SPCS3: variants seen among roughly 807,000 people sequenced by gnomAD.
SPCS3 encodes the protein SPase 22 kDa subunit.
In SPCS3, 9 loss-of-function variants were observed where a neutral mutation model predicts 17.2. The ratio of observed to expected loss-of-function variants is 0.52; its 90% confidence interval spans 0.31 to 0.91. The LOEUF is 0.91. Ranked by LOEUF, SPCS3 falls within the 40% of genes least tolerant of loss-of-function variation. The probability of loss-of-function intolerance (pLI) is 0.04; values close to 1 mark genes in which losing one functional copy is unlikely to be tolerated. For missense variants in SPCS3, 139 were observed against 217.5 expected (o/e 0.64, Z 2.27); for synonymous variants, 87 against 89.6 (o/e 0.97, Z 0.16).
In SPCS3 at chr4:176,328,378, T is replaced by A. The variant is rs1386111093; in HGVS notation, c.*48T>A. Reference sequence around the variant, plus strand: ...ATATTTTTATACTTAATGAATTGTATCTCATTAATCTCTTCCCTTACATCT... The same window carrying A: ...ATATTTTTATACTTAATGAATTGTAACTCATTAATCTCTTCCCTTACATCT... On this transcript the variant is annotated 3_prime_UTR_variant, in exon 5 of 5. Transcript: ENST00000503362. 1 of 1,409,120 alleles carries A rather than the reference T, an allele frequency of 7.1e-7. No individual in the cohort carries two copies. The highest frequency in any genetic ancestry group is 9.5e-7 in the Non-Finnish European group (1 of 1,050,678). 87.3% of individuals were successfully genotyped at this position (1,409,120 alleles called of 1,614,324 possible). A position where few individuals can be genotyped will look rare whatever the true frequency, so the allele number is the denominator to read the frequency against.
Position 176,329,339 on chromosome 4 carries a change from T to A in SPCS3, c.*1009T>A, listed in dbSNP as rs1370439333. 6.6e-6 allele frequency: 1 copy of A among 152,122 alleles called. No individual in the cohort carries two copies. The highest frequency in any genetic ancestry group is 1.5e-5 in the Non-Finnish European group (1 of 67,980). 9.4% of individuals were successfully genotyped at this position (152,122 alleles called of 1,614,324 possible). The stretch of plus-strand genomic sequence containing the variant: ...GAAACCCAGAAGTTTATTGAATTGC[T>A]TCATTGTTACCTAGCCAGCAAGGAG... On this transcript the variant is annotated 3_prime_UTR_variant, in exon 5 of 5. Transcript: ENST00000503362.
chr4:176,320,811 GT>G (rs1170560864), intron 1 of SPCS3: 1 of 152,302 alleles, frequency 6.6e-6, no homozygotes, highest in African/African-American at 2.4e-5. Flanking sequence ...CTGCTTTGAA[GT>G]TGGCCAGAGA....
At chr4:176,328,107 A>G in intron 4 of SPCS3, 91 bp from the exon 5 acceptor site, 3 of 1,181,054 alleles carry the variant, frequency 2.5e-6, no homozygotes, top group East Asian at 4.8e-5. Context: ...ATGGTTATAA[A>G]TAAAGTATTT....
At position 176,328,413 on chromosome 4, in the gene SPCS3, G is replaced by C. The variant is rs1731636784; in HGVS notation, c.*83G>C. On this transcript the variant is annotated 3_prime_UTR_variant, in exon 5 of 5. Transcript: ENST00000503362. ...CTCTTCCCTTACATCTTCATGTATT[G>C]TTGGTTTGTTTTTTGGTTTTGGGTT... 13 of 860,398 alleles carry C rather than the reference G, an allele frequency of 1.5e-5. No individual in the cohort carries two copies. Among genetic ancestry groups the C allele is most frequent in the Admixed American group, 4.9e-5 (1 of 20,386 alleles). The allele number at this position is 860,398 out of a possible 1,614,324, so 53.3% of individuals were successfully genotyped here. A position where few individuals can be genotyped will look rare whatever the true frequency, so the allele number is the denominator to read the frequency against.
rs908309772 is a variant in SPCS3, at chr4:176,329,257, C to A, written c.*927C>A. 1 of 151,988 alleles carries A rather than the reference C, an allele frequency of 6.6e-6. No individual in the cohort carries two copies. The highest frequency in any genetic ancestry group is 6.6e-5 in the Admixed American group (1 of 15,252). 9.4% of individuals were successfully genotyped at this position (151,988 alleles called of 1,614,324 possible). On this transcript the variant is annotated 3_prime_UTR_variant, in exon 5 of 5. Transcript: ENST00000503362. ...CTCATATACTTTAGTGTATGTCATC[C>A]TCAATAATCTAATGAGGTAAGTAGT... is the stretch of plus-strand genomic sequence containing the variant.
chr4:176,320,279 G>A lies in SPCS3; in HGVS notation c.143+60G>A, dbSNP rs2126999095. 3 of 1,302,424 alleles carry A rather than the reference G, an allele frequency of 2.3e-6. 1 individual carries two copies. The highest frequency in any genetic ancestry group is 6.7e-5 in the East Asian group (2 of 29,812). The allele number at this position is 1,302,424 out of a possible 1,614,324, so 80.7% of individuals were successfully genotyped here. ...GGACCGGGCTGGGGCGGAAGCCGAAGCCGGGCCGCCGCGCCGGGGCTGCCG... is the reference window on the plus strand; with the variant it reads ...GGACCGGGCTGGGGCGGAAGCCGAAACCGGGCCGCCGCGCCGGGGCTGCCG... On this transcript the variant is annotated intron_variant, in intron 1 of 4. Transcript: ENST00000503362.
rs969352375 is a variant in SPCS3, at chr4:176,329,682, G to A, written c.*1352G>A. 12 of 151,686 alleles carry A rather than the reference G, an allele frequency of 7.9e-5. No individual in the cohort carries two copies. Among genetic ancestry groups the A allele is most frequent in the African/African-American group, 2.7e-4 (11 of 41,312 alleles). 9.4% of individuals were successfully genotyped at this position (151,686 alleles called of 1,614,324 possible). A position where few individuals can be genotyped will look rare whatever the true frequency, so the allele number is the denominator to read the frequency against. ...ATAATACATGATTGAATACATGATC[G>A]TATTTAACATGTTTTTTTTTTCTGC... On this transcript the variant is annotated 3_prime_UTR_variant, in exon 5 of 5. Transcript: ENST00000503362.
rs1164246780 is a variant in SPCS3, at chr4:176,330,190, AAC to A, written c.*1864_*1865del. The A allele has an allele frequency of 1.3e-5, 2 of 152,254 alleles. No homozygotes were observed. The highest frequency in any genetic ancestry group is 2.9e-5 in the Non-Finnish European group (2 of 68,036). The allele number at this position is 152,254 out of a possible 1,614,324, so 9.4% of individuals were successfully genotyped here. ...AAGACAGGAAAACGAATGAAAGTCT[AAC>A]ACATAACTCATATTGATTTACTTTA... is the stretch of plus-strand genomic sequence containing the variant. On this transcript the variant is annotated 3_prime_UTR_variant, in exon 5 of 5. Coordinates refer to ENST00000503362, the MANE Select transcript of SPCS3 (RefSeq NM_021928.4).
In SPCS3 at chr4:176,320,421, C is replaced by G. The variant is rs180939847; in HGVS notation, c.143+202C>G. The G allele has an allele frequency of 4.3e-3, 1,403 of 328,566 alleles. 5 individuals are homozygous for G. Among genetic ancestry groups the G allele is most frequent in the Non-Finnish European group, 5.8e-3 (1,094 of 187,778 alleles). 20.4% of individuals were successfully genotyped at this position (328,566 alleles called of 1,614,324 possible). A position where few individuals can be genotyped will look rare whatever the true frequency, so the allele number is the denominator to read the frequency against. On this transcript the variant is annotated intron_variant, in intron 1 of 4. Transcript: ENST00000503362. The stretch of plus-strand genomic sequence containing the variant: ...TCCGGCGTCCCCTCGGAACTTGCAC[C>G]CCTCCACCGTAAATTCCCGGGCTTG...
At chr4:176,323,513 A>G (rs1023047288) in intron 2 of SPCS3, among the ~76,000 whole-genome samples, 8 of 152,168 alleles carry the variant, frequency 5.3e-5, no homozygotes, top group African/African-American at 1.7e-4. Flanking sequence ...GGAAACTCAT[A>G]TAGTAAAATG....
intron 2 of SPCS3, among the ~76,000 whole-genome samples, chr4:176,322,573 C>T (rs1003823370): frequency 5.3e-5 from 8 of 152,022 alleles, no homozygotes; most frequent in Non-Finnish European, 2.9e-5. Context: ...ATTACCAATG[C>T]TCAGCCTGCC....
At position 176,319,987 on chromosome 4, in the gene SPCS3, C is replaced by T; in HGVS notation, c.-90C>T. On this transcript the variant is annotated 5_prime_UTR_variant, in exon 1 of 5. Transcript: ENST00000503362. ...GCGCGCTCCCGGAACGCGCGCACCG[C>T]AGACGGCGCGGATCGCAGGGAGCCG... is the stretch of plus-strand genomic sequence containing the variant. 2 of 1,366,928 alleles carry T rather than the reference C, an allele frequency of 1.5e-6. No individual in the cohort carries two copies. Among genetic ancestry groups the T allele is most frequent in the Admixed American group, 3.0e-5 (1 of 33,370 alleles). 84.7% of individuals were successfully genotyped at this position (1,366,928 alleles called of 1,614,324 possible).
Position 176,327,170 on chromosome 4 carries a change from C to T in SPCS3, c.303C>T (p.Asn101=). 6.4e-7 allele frequency: 1 copy of T among 1,573,150 alleles called. No homozygotes were observed. Among genetic ancestry groups the T allele is most frequent in the Non-Finnish European group, 8.6e-7 (1 of 1,162,032 alleles). Residue 101 remains asparagine, a synonymous_variant, in exon 4 of 5, where the codon AAC becomes AAT. Coordinates refer to ENST00000503362, the MANE Select transcript of SPCS3 (RefSeq NM_021928.4). ...AEYSTKNNAL[N]QVVLWDKIVL... ...TTTTCATTTTAATATAGGCTCTGAA[C>T]CAAGTTGTCCTATGGGACAAGATTG...
intron 4 of SPCS3, 82 bp from the exon 5 acceptor site, chr4:176,328,116 T>G (rs1051959893): frequency 7.9e-7 from 1 of 1,265,966 alleles, no homozygotes; most frequent in Admixed American, 2.2e-5. Context: ...AATAAAGTAT[T>G]TGACATCTCA....
chr4:176,320,440 G>C lies in SPCS3; in HGVS notation c.143+221G>C, dbSNP rs990151802. The C allele has an allele frequency of 1.3e-5, 4 of 300,160 alleles. No individual in the cohort carries two copies. The East Asian group carries it at 2.4e-4, about 18-fold the overall frequency. The allele number at this position is 300,160 out of a possible 1,614,324, so 18.6% of individuals were successfully genotyped here. A position where few individuals can be genotyped will look rare whatever the true frequency, so the allele number is the denominator to read the frequency against. On this transcript the variant is annotated intron_variant, in intron 1 of 4. Coordinates refer to ENST00000503362, the MANE Select transcript of SPCS3 (RefSeq NM_021928.4). The stretch of plus-strand genomic sequence containing the variant: ...TTGCACCCCTCCACCGTAAATTCCC[G>C]GGCTTGCTCTTAAATTTTAATTTTG...
In SPCS3 at chr4:176,329,209, GTATGCTTTCCA is replaced by G. The variant is rs1207671900; in HGVS notation, c.*881_*891del. 6.6e-6 allele frequency: 1 copy of G among 152,020 alleles called. No homozygotes were observed. The highest frequency in any genetic ancestry group is 2.4e-5 in the African/African-American group (1 of 41,410). The allele number at this position is 152,020 out of a possible 1,614,324, so 9.4% of individuals were successfully genotyped here. A position where few individuals can be genotyped will look rare whatever the true frequency, so the allele number is the denominator to read the frequency against. On this transcript the variant is annotated 3_prime_UTR_variant, in exon 5 of 5. Coordinates refer to ENST00000503362, the MANE Select transcript of SPCS3 (RefSeq NM_021928.4). ...AATTATTGGGATAATAATAATTGTG[GTATGCTTTCCA>G]TTTACAAACCACTCATATACTTTAG...
At position 176,330,638 on chromosome 4, in the gene SPCS3, T is replaced by G. The variant is rs1731674390; in HGVS notation, c.*2308T>G. The stretch of plus-strand genomic sequence containing the variant: ...TCAGGAACTCATTTTTGGGTGCAGT[T>G]TCTACATTTAAAAAATTGACTTGTG... On this transcript the variant is annotated 3_prime_UTR_variant, in exon 5 of 5. Coordinates refer to ENST00000503362, the MANE Select transcript of SPCS3 (RefSeq NM_021928.4). The G allele has an allele frequency of 6.6e-6, 1 of 152,190 alleles. No individual in the cohort carries two copies. Among genetic ancestry groups the G allele is most frequent in the Non-Finnish European group, 1.5e-5 (1 of 68,034 alleles). 9.4% of individuals were successfully genotyped at this position (152,190 alleles called of 1,614,324 possible). A position where few individuals can be genotyped will look rare whatever the true frequency, so the allele number is the denominator to read the frequency against.
rs12504337 is a variant in SPCS3 at position 176,322,215 on chromosome 4, G to A, written c.189G>A (p.Leu63=). ...DFTGPRERSD[L]GFITFDITAD... ...CTGGACCTAGAGAAAGAAGTGATCT[G>A]GGATTTATCACATTTGATATAACTG... Residue 63 remains leucine, a synonymous_variant, in exon 2 of 5, where the codon CTG becomes CTA. Coordinates refer to ENST00000503362, the MANE Select transcript of SPCS3 (RefSeq NM_021928.4). The A allele has an allele frequency of 6.2e-7, 1 of 1,606,568 alleles. No homozygotes were observed. The highest frequency in any genetic ancestry group is 8.5e-7 in the Non-Finnish European group (1 of 1,173,980).
At chr4:176,322,037 C>T (rs1731545470) in intron 1 of SPCS3, 133 bp from the exon 2 acceptor site, 1 of 524,976 alleles carries the variant, frequency 1.9e-6, no homozygotes, top group Non-Finnish European at 3.4e-6. Flanking sequence ...ACAGGTTTCT[C>T]TGGTGTTTAC....
Sources: allele counts gnomAD v4.1 joint callset (sites outside exome capture counted in the v4.1 genomes callset), GRCh38; gene constraint gnomAD v4.1.1; transcripts MANE v1.5; gene names NCBI Gene and HGNC (gene_info 2026-07-23, HGNC 2026-07-21).